SIRT3: variants seen among roughly 807,000 people sequenced by gnomAD.
The protein encoded by SIRT3 is sirtuin 3.
A neutral mutation model predicts 33.5 loss-of-function variants in SIRT3; 26 were observed. The observed-to-expected ratio is 0.78, with a 90% CI of 0.57 to 1.08. SIRT3 has a LOEUF of 1.08. Among genes scored for constraint, SIRT3 ranks in the 50% least tolerant of loss-of-function variants. SIRT3 has a pLI of 0.00. For missense variants in SIRT3, 585 were observed against 530.1 expected, an observed-to-expected ratio of 1.10 and a Z score of -1.02; for synonymous variants, 237 against 222.1, an observed-to-expected ratio of 1.07 and a Z score of -0.60.
chr11:223,451 C>A lies in SIRT3; in HGVS notation c.969+627G>T. ...CAGCTCCACCTTCTCCAGGACCAGC[C>A]TCCTGGCACTGCTTGCTCCACTCTC... On this transcript the variant is annotated intron_variant, in intron 5 of 6. Transcript: ENST00000382743. This position sits in a 1 kb window ranked among gnomAD's most constrained non-coding sequence, Gnocchi z 4.8. 1 of 272,116 alleles carries A rather than the reference C, an allele frequency of 3.7e-6. No individual in the cohort carries two copies. 16.9% of individuals were successfully genotyped at this position (272,116 alleles called of 1,614,324 possible). A position where few individuals can be genotyped will look rare whatever the true frequency, so the allele number is the denominator to read the frequency against.
chr11:235,300 G>C (rs1134500), intron 1 of SIRT3, among the ~76,000 whole-genome samples: 1 of 151,888 alleles, frequency 6.6e-6, no homozygotes, highest in South Asian at 2.1e-4. Flanking sequence ...TGAACTCCTG[G>C]ACTCAAGGGA....
chr11:232,371 G>A (rs945037609), intron 3 of SIRT3, among the ~76,000 whole-genome samples: 4 of 151,954 alleles, frequency 2.6e-5, no homozygotes, highest in East Asian at 1.9e-4. Context: ...TACCTGCCTC[G>A]GCCTCCCAAA....
intron 1 of SIRT3, among the ~76,000 whole-genome samples, chr11:235,257 G>A (rs1486621914): frequency 6.6e-6 from 1 of 151,948 alleles, no homozygotes; most frequent in Non-Finnish European, 1.5e-5. Flanking sequence ...CCAGGCTGGA[G>A]TGCAGTGGCT....
chr11:233,528 T>C lies in SIRT3; in HGVS notation c.288A>G (p.Lys96=). 3 of 1,613,762 alleles carry C rather than the reference T, an allele frequency of 1.9e-6. No individual in the cohort carries two copies. Among genetic ancestry groups the C allele is most frequent in the African/African-American group, 1.3e-5 (1 of 74,974 alleles). Residue 96 remains lysine (K), a synonymous_variant, in exon 2 of 7, where the codon AAA becomes AAG. Transcript: ENST00000382743. ...AAPSFFFSSI[K]GGRRSISFSV... is the part of the protein sequence containing the mutation. The stretch of plus-strand genomic sequence containing the variant: ...AAAAAGATATGGACCTTCTTCCACC[T>C]TTAATACTGACAGAAAAAAACACAG...
chr11:226,006 G>A (rs945429905), intron 4 of SIRT3: 2 of 152,288 alleles, frequency 1.3e-5, no homozygotes, highest in African/African-American at 4.8e-5. Context: ...GTCCTTCAAA[G>A]AGGGAGGGTG....
chr11:233,857 G>A (rs1858471917), intron 1 of SIRT3: 2 of 226,188 alleles, frequency 8.8e-6, no homozygotes, highest in South Asian at 1.8e-4. Context: ...AATGAAAACT[G>A]GTTAAGGAGT....
At chr11:235,067 G>A (rs1203951189) in intron 1 of SIRT3, among the ~76,000 whole-genome samples, 1 of 151,722 alleles carries the variant, frequency 6.6e-6, no homozygotes, top group East Asian at 1.9e-4. Flanking sequence ...CAGTAGAAAT[G>A]GGGTTTCACC....
At chr11:232,811 T>C (rs1328843124) in intron 3 of SIRT3, among the ~76,000 whole-genome samples, 172 bp downstream of exon 3, 2 of 152,120 alleles carry the variant, frequency 1.3e-5, no homozygotes, top group Non-Finnish European at 2.9e-5. Flanking sequence ...CCTAACTAGT[T>C]GGCTCAAAAA....
intron 5 of SIRT3, among the ~76,000 whole-genome samples, chr11:220,273 T>C (rs528756578): frequency 1.2e-3 from 165 of 135,940 alleles, no homozygotes; most frequent in African/African-American, 4.4e-3. Context: ...GAGGTTGCAG[T>C]GAGCCGAGAT....
rs147924046 is a variant in SIRT3 at position 236,337 on chromosome 11, C to T, written c.-9G>A. The T allele has an allele frequency of 7.2e-6, 10 of 1,385,586 alleles. No homozygotes were observed. The highest frequency in any genetic ancestry group is 6.3e-5 in the South Asian group (4 of 63,516). 85.8% of individuals were successfully genotyped at this position (1,385,586 alleles called of 1,614,324 possible). On this transcript the variant is annotated 5_prime_UTR_variant, in exon 1 of 7. Transcript: ENST00000382743. ...CAACCCCAGAACGCCATGTTCCGCG[C>T]AGTCCAAGGAGTCCTCCGGACTCGC...
At chr11:230,226 A>G (rs1006803372) in intron 4 of SIRT3, among the ~76,000 whole-genome samples, 7 of 152,026 alleles carry the variant, frequency 4.6e-5, no homozygotes, top group African/African-American at 1.7e-4. Flanking sequence ...AAAAAAAAAA[A>G]AAGTGGGCAG....
rs1215248335 is a variant in SIRT3, at chr11:224,174, A to G, written c.873T>C (p.Ile291=). ...PVCTGVVKPD[I]VFFGEPLPQR... ...GGGGCAGCGGCTCCCCAAAGAACAC[A>G]ATGTCGGGCTTCACAACGCCGGTGC... Residue 291 remains isoleucine (I), a synonymous_variant, in exon 5 of 7, where the codon ATT becomes ATC. Transcript: ENST00000382743. The G allele has an allele frequency of 6.2e-7, 1 of 1,614,160 alleles. No individual in the cohort carries two copies. Among genetic ancestry groups the G allele is most frequent in the South Asian group, 1.1e-5 (1 of 91,084 alleles).
intron 5 of SIRT3, among the ~76,000 whole-genome samples, chr11:221,532 T>C (rs1856443096): frequency 6.6e-6 from 1 of 152,254 alleles, no homozygotes; most frequent in East Asian, 1.9e-4. Context: ...TGTGGCTGAA[T>C]ATGTTTCAGA....
chr11:230,348 T>C (rs149530581), intron 4 of SIRT3, 104 bp downstream of exon 4: 1 of 551,186 alleles, frequency 1.8e-6, no homozygotes, highest in East Asian at 3.2e-5. Flanking sequence ...TTTCACACTA[T>C]TATTGTTCAA....
intron 4 of SIRT3, 68 bp from the exon 5 acceptor site, chr11:224,307 G>T: frequency 6.6e-7 from 1 of 1,507,614 alleles, no homozygotes; most frequent in Non-Finnish European, 9.0e-7. Context: ...AAGGCAACAA[G>T]TTCTTATTAA....
At chr11:236,370 C>CCGGGGCCCCGCCCG, upstream of SIRT3, 1 of 1,173,148 alleles carries the variant, frequency 8.5e-7, no homozygotes, top group East Asian at 3.4e-5. Flanking sequence ...CGCCCCGCCC[C>CCGGGGCCCCGCCCG]CGGCGCCCCG....
At chr11:230,047 G>C (rs1445618111) in intron 4 of SIRT3, among the ~76,000 whole-genome samples, 1 of 151,680 alleles carries the variant, frequency 6.6e-6, no homozygotes. Flanking sequence ...AATAAGCTCG[G>C]CACAAAAGGC....
chr11:221,175 G>A (rs933908273), intron 5 of SIRT3, among the ~76,000 whole-genome samples: 1 of 152,242 alleles, frequency 6.6e-6, no homozygotes, highest in African/African-American at 2.4e-5. Flanking sequence ...CTGGAATGCA[G>A]TGGCATGATC....
intron 5 of SIRT3, among the ~76,000 whole-genome samples, chr11:220,751 T>A (rs1025632171): frequency 6.6e-6 from 1 of 152,174 alleles, no homozygotes; most frequent in African/African-American, 2.4e-5. Context: ...ATAAGGATGA[T>A]ACACAGGGAT....
Sources: allele counts gnomAD v4.1 joint callset (sites outside exome capture counted in the v4.1 genomes callset), GRCh38; gene constraint gnomAD v4.1.1; non-coding constraint Gnocchi (gnomAD v3.1); transcripts MANE v1.5; gene names NCBI Gene and HGNC (gene_info 2026-07-23, HGNC 2026-07-21).